NLGN1: variants seen among roughly 807,000 people sequenced by gnomAD.
The protein encoded by NLGN1 is neuroligin 1, also known as neuroligin-1.
Under a neutral mutation model 65.5 loss-of-function variants are expected in NLGN1, and 12 were observed. That is an observed-to-expected ratio of 0.18 (90% confidence interval 0.12 to 0.30). NLGN1 has a LOEUF of 0.30. NLGN1 is among the 10% of genes least tolerant of loss of function. NLGN1 has a pLI of 1.00. For missense variants in NLGN1, 750 were observed against 1,007.1 expected, an observed-to-expected ratio of 0.74 and a Z score of 3.46; for synonymous variants, 350 against 359.5, an observed-to-expected ratio of 0.97 and a Z score of 0.30.
At chr3:173,723,777 T>G (rs1288263530) in intron 3 of NLGN1, among the ~76,000 whole-genome samples, 2 of 152,168 alleles carry the variant, frequency 1.3e-5, no homozygotes, top group African/African-American at 2.4e-5. Flanking sequence ...TTTACTGCCA[T>G]GAAAAGAATA....
At chr3:173,595,238 G>A (rs760290013) in intron 2 of NLGN1, among the ~76,000 whole-genome samples, 4 of 152,040 alleles carry the variant, frequency 2.6e-5, no homozygotes, top group Admixed American at 6.6e-5. Flanking sequence ...GCCTTTAACA[G>A]CTCCCAAGTC....
intron 4 of NLGN1, among the ~76,000 whole-genome samples, chr3:173,819,200 TC>T (rs1719667627): frequency 6.6e-6 from 1 of 152,116 alleles, no homozygotes; most frequent in Non-Finnish European, 1.5e-5. Flanking sequence ...TTCTTTCTAT[TC>T]CCATTGCTAC....
intron 3 of NLGN1, among the ~76,000 whole-genome samples, chr3:173,702,948 T>G (rs564953940): frequency 6.6e-6 from 1 of 152,334 alleles, no homozygotes; most frequent in African/African-American, 2.4e-5. Context: ...TATAAAACAT[T>G]TATGAATTAA....
intron 4 of NLGN1, among the ~76,000 whole-genome samples, chr3:173,876,029 T>C (rs1176157735): frequency 1.3e-5 from 2 of 152,130 alleles, no homozygotes; most frequent in African/African-American, 4.8e-5. Context: ...ATTTTAAAAC[T>C]GAAGATAATG....
intron 4 of NLGN1, among the ~76,000 whole-genome samples, chr3:174,039,391 T>C (rs935011414): frequency 1.4e-4 from 22 of 152,120 alleles, no homozygotes; most frequent in Non-Finnish European, 2.5e-4. Context: ...CCGGCATGCA[T>C]TAGGTGTTTG....
Position 174,206,644 on chromosome 3 carries a change from T to A in NLGN1, c.647-68671T>A, listed in dbSNP as rs149093564. Reference sequence around the variant, plus strand: ...CTCAGAGTCTCCCTCGGCTTGCTTTTCAGCTACCGGTAAAATAATTTATGA... The same window carrying A: ...CTCAGAGTCTCCCTCGGCTTGCTTTACAGCTACCGGTAAAATAATTTATGA... On this transcript the variant is annotated intron_variant, in intron 4 of 6. Transcript: ENST00000457714. Among the ~76,000 whole-genome samples the A allele has an allele frequency of 2.8e-3, 419 of 152,316 alleles. 2 individuals carry two copies. Among genetic ancestry groups the A allele is most frequent in the Non-Finnish European group, 3.6e-3 (246 of 68,024 alleles).
chr3:174,210,562 G>A (rs1053085936), intron 4 of NLGN1, among the ~76,000 whole-genome samples: 7 of 152,118 alleles, frequency 4.6e-5, no homozygotes, highest in Admixed American at 1.3e-4. Context: ...TTTAAAAGCT[G>A]CAAAAAGCTT....
intron 4 of NLGN1, among the ~76,000 whole-genome samples, chr3:173,960,030 C>T (rs774577767): frequency 7.2e-5 from 11 of 151,948 alleles, no homozygotes; most frequent in Admixed American, 2.6e-4. Context: ...ATATGACATT[C>T]GAAAACATTT....
At chr3:173,703,307 A>G (rs1767540949) in intron 3 of NLGN1, among the ~76,000 whole-genome samples, 1 of 152,144 alleles carries the variant, frequency 6.6e-6, no homozygotes, top group Admixed American at 6.5e-5. Flanking sequence ...ATTCTACATC[A>G]GTGTTTGTTT....
At chr3:173,985,967 A>C (rs543146564) in intron 4 of NLGN1, among the ~76,000 whole-genome samples, 2 of 152,004 alleles carry the variant, frequency 1.3e-5, no homozygotes, top group African/African-American at 4.8e-5. Flanking sequence ...AAAACAATTT[A>C]AAAAAAAGAA....
At chr3:173,860,266 T>C (rs1280190925) in intron 4 of NLGN1, among the ~76,000 whole-genome samples, 1 of 152,156 alleles carries the variant, frequency 6.6e-6, no homozygotes, top group East Asian at 1.9e-4. Flanking sequence ...TTGATTGTTG[T>C]TCAGTTCTAG....
At chr3:174,054,713 A>G (rs1183198498) in intron 4 of NLGN1, among the ~76,000 whole-genome samples, 1 of 152,036 alleles carries the variant, frequency 6.6e-6, no homozygotes, top group Non-Finnish European at 1.5e-5. Context: ...TCCAGACTAT[A>G]TTCAAGGCCA....
At chr3:173,635,950 C>G (rs922864594) in intron 3 of NLGN1, among the ~76,000 whole-genome samples, 2 of 152,034 alleles carry the variant, frequency 1.3e-5, no homozygotes, top group Admixed American at 1.3e-4. Context: ...GAACACTCGG[C>G]AGGCTCCTTA....
chr3:174,118,214 C>A (rs551887888), intron 4 of NLGN1, among the ~76,000 whole-genome samples: 1 of 152,220 alleles, frequency 6.6e-6, no homozygotes, highest in South Asian at 2.1e-4. Context: ...CTTCTCATGA[C>A]CCTAATCACT....
chr3:173,950,358 C>G (rs566313704), intron 4 of NLGN1, among the ~76,000 whole-genome samples: 1 of 152,066 alleles, frequency 6.6e-6, no homozygotes, highest in Non-Finnish European at 1.5e-5. Context: ...GTATCAGATG[C>G]TTATGTGTAT....
At chr3:173,402,100 ATTTC>A (rs1032784389) in intron 1 of NLGN1, among the ~76,000 whole-genome samples, 3 of 152,186 alleles carry the variant, frequency 2.0e-5, no homozygotes, top group Non-Finnish European at 4.4e-5. Context: ...TTGTTTCAAT[ATTTC>A]TTTCTAATGC....
intron 4 of NLGN1, among the ~76,000 whole-genome samples, chr3:174,122,391 G>C (rs1051363651): frequency 6.6e-6 from 1 of 152,138 alleles, no homozygotes; most frequent in Admixed American, 6.5e-5. Flanking sequence ...AAATGGCAGG[G>C]TCATACAAAG....
chr3:173,947,754 T>G (rs1747463708), intron 4 of NLGN1, among the ~76,000 whole-genome samples: 1 of 152,104 alleles, frequency 6.6e-6, no homozygotes, highest in Non-Finnish European at 1.5e-5. Context: ...TAAGAATAGG[T>G]TTTTAAGTAG....
intron 4 of NLGN1, among the ~76,000 whole-genome samples, chr3:174,040,837 T>C (rs147705745): frequency 3.9e-4 from 60 of 152,296 alleles, no homozygotes; most frequent in African/African-American, 1.4e-3. Context: ...CATTTTATTA[T>C]TCTTGTTTTG....
Sources: gnomAD v4.1 joint callset for allele counts (sites outside exome capture counted in the v4.1 genomes callset) on GRCh38, gnomAD v4.1.1 for gene constraint, MANE v1.5 for transcripts, NCBI Gene and HGNC (gene_info 2026-07-23, HGNC 2026-07-21) for gene names.